Variants in RANBP2 observed in about 807,000 individuals in gnomAD.
The protein encoded by RANBP2 is RAN binding protein 2.
Under a neutral mutation model 303.6 loss-of-function variants are expected in RANBP2, and 57 were observed. The observed-to-expected ratio is 0.19, with a 90% CI of 0.15 to 0.23. RANBP2 has a LOEUF of 0.23. RANBP2 is among the 10% of genes least tolerant of loss of function. The probability of loss-of-function intolerance (pLI) is 1.00; values close to 1 mark genes in which losing one functional copy is unlikely to be tolerated. For missense variants in RANBP2, 3,138 were observed against 3,780.8 expected, an observed-to-expected ratio of 0.83 and a Z score of 4.46; for synonymous variants, 1,167 against 1,301.5, an observed-to-expected ratio of 0.90 and a Z score of 2.23.
the RANBP2 span, among the ~76,000 whole-genome samples, chr2:109,382,454 C>T: frequency 1.2e-4 from 18 of 152,270 alleles, no homozygotes; most frequent in East Asian, 9.7e-4. Flanking sequence ...TCCTGACCCC[C>T]GACGTGGTTG....
At chr2:109,469,495 A>G in the RANBP2 span, among the ~76,000 whole-genome samples, 1 of 152,168 alleles carries the variant, frequency 6.6e-6, no homozygotes, top group Admixed American at 6.5e-5. Flanking sequence ...GTGCAGTGGG[A>G]TGGTCTTCTG....
the RANBP2 span, among the ~76,000 whole-genome samples, chr2:109,548,941 GAGA>G: frequency 1.3e-5 from 2 of 152,146 alleles, no homozygotes; most frequent in Non-Finnish European, 1.5e-5. Context: ...CACCTGATAG[GAGA>G]AGTATTCCAA....
At chr2:108,939,423 G>C in the RANBP2 span, among the ~76,000 whole-genome samples, 3 of 152,368 alleles carry the variant, frequency 2.0e-5, no homozygotes, top group South Asian at 6.2e-4. Context: ...CTGACTTCAA[G>C]TGTCTAGTGC....
the RANBP2 span, among the ~76,000 whole-genome samples, chr2:109,103,418 A>G: frequency 6.6e-6 from 1 of 152,254 alleles, no homozygotes. Flanking sequence ...CCATGGAGAC[A>G]TAAGACTTCA....
At chr2:109,060,516 G>C in the RANBP2 span, among the ~76,000 whole-genome samples, 1 of 152,142 alleles carries the variant, frequency 6.6e-6, no homozygotes, top group East Asian at 1.9e-4. Flanking sequence ...TCCCACCCTT[G>C]CTTTTGTCTC....
chr2:109,269,874 C>T, the RANBP2 span, among the ~76,000 whole-genome samples: 1 of 152,354 alleles, frequency 6.6e-6, no homozygotes, highest in Admixed American at 6.5e-5. Context: ...TTGTTCATTA[C>T]ATCATCCTCA....
the RANBP2 span, among the ~76,000 whole-genome samples, chr2:109,750,732 T>A: frequency 1.9e-4 from 9 of 48,566 alleles, no homozygotes; most frequent in Admixed American, 1.8e-3. Context: ...AATAATAATT[T>A]TTTTTTTTCG....
chr2:108,948,522 T>G, the RANBP2 span, among the ~76,000 whole-genome samples: 3 of 152,198 alleles, frequency 2.0e-5, no homozygotes, highest in Non-Finnish European at 4.4e-5. Flanking sequence ...GGAGATTTAA[T>G]TGATTCACAG....
the RANBP2 span, among the ~76,000 whole-genome samples, chr2:108,956,171 G>A: frequency 6.6e-6 from 1 of 152,158 alleles, no homozygotes; most frequent in Non-Finnish European, 1.5e-5. Flanking sequence ...AAATGAACAA[G>A]CCATAATTAA....
chr2:109,356,376 A>G, the RANBP2 span, among the ~76,000 whole-genome samples: 24 of 152,190 alleles, frequency 1.6e-4, no homozygotes, highest in Admixed American at 1.6e-3. Flanking sequence ...AGCTAGGTCT[A>G]TGTTGGACTT....
the RANBP2 span, among the ~76,000 whole-genome samples, chr2:108,972,926 C>T: frequency 1.3e-5 from 2 of 152,208 alleles, no homozygotes; most frequent in African/African-American, 4.8e-5. Flanking sequence ...ACCTGTGCTC[C>T]AAGTCCAAAG....
the RANBP2 span, among the ~76,000 whole-genome samples, chr2:109,566,419 G>T: frequency 6.6e-6 from 1 of 152,086 alleles, no homozygotes; most frequent in Middle Eastern, 3.4e-3. Flanking sequence ...TGGGATTATA[G>T]GTGTGAGCCA....
chr2:109,408,064 C>T, the RANBP2 span, among the ~76,000 whole-genome samples: 13 of 152,134 alleles, frequency 8.5e-5, no homozygotes, highest in Admixed American at 3.9e-4. Context: ...GGAGAGCATC[C>T]GGGAGCTCTG....
chr2:108,839,422 A>ATGTCTTGCTGGGATTT, the RANBP2 span: 2 of 803,734 alleles, frequency 2.5e-6, no homozygotes, highest in Non-Finnish European at 3.7e-6. Context: ...TTCCCTATCT[A>ATGTCTTGCTGGGATTT]TGTCTTGCTG....
chr2:109,391,370 A>C, the RANBP2 span, among the ~76,000 whole-genome samples: 11 of 152,200 alleles, frequency 7.2e-5, no homozygotes, highest in Non-Finnish European at 1.5e-5. Context: ...GGAAAGGCAC[A>C]TCTGCCATGT....
chr2:109,501,696 T>TCA, the RANBP2 span: 4 of 738,958 alleles, frequency 5.4e-6, no homozygotes, highest in East Asian at 1.0e-4. Flanking sequence ...TGCACCCAGC[T>TCA]CACAGAGGGG....
At chr2:108,935,331 G>A in the RANBP2 span, among the ~76,000 whole-genome samples, 1 of 152,066 alleles carries the variant, frequency 6.6e-6, no homozygotes, top group Non-Finnish European at 1.5e-5. Context: ...GCTCAAAGTG[G>A]GGCCCCTGGA....
the RANBP2 span, among the ~76,000 whole-genome samples, chr2:109,469,150 C>CG: frequency 1.3e-5 from 2 of 152,158 alleles, no homozygotes; most frequent in Non-Finnish European, 2.9e-5. Flanking sequence ...CCCAAGAATG[C>CG]GGGCCCCCTG....
chr2:109,692,033 C>T, the RANBP2 span, among the ~76,000 whole-genome samples: 111 of 152,280 alleles, frequency 7.3e-4, 1 homozygote, highest in African/African-American at 2.3e-3. Flanking sequence ...CCACCCGCCT[C>T]GGCCTCCTAA....
Sources: gnomAD v4.1 joint callset for allele counts (sites outside exome capture counted in the v4.1 genomes callset) on GRCh38, gnomAD v4.1.1 for gene constraint, MANE v1.5 for transcripts, NCBI Gene and HGNC (gene_info 2026-07-23, HGNC 2026-07-21) for gene names.